Variants in DAPK2 observed in about 807,000 individuals in gnomAD.
DAPK2 encodes the protein death-associated protein kinase 2.
DAPK2 carries 35 observed loss-of-function variants against 44.1 expected under a neutral mutation model. The observed-to-expected ratio is 0.79, with a 90% CI of 0.61 to 1.05. DAPK2 has a LOEUF of 1.05. DAPK2 is among the 50% of genes least tolerant of loss of function. The pLI, the probability that DAPK2 is intolerant of heterozygous loss-of-function variation, is 0.00. For synonymous variants in DAPK2, 174 were observed against 182.6 expected (o/e 0.95, Z 0.38); for missense variants, 453 against 483.2 (o/e 0.94, Z 0.59).
Position 63,910,138 on chromosome 15 carries a change from C to T in DAPK2, c.1033-1538G>A, listed in dbSNP as rs79509919. On this transcript the variant is annotated intron_variant, in intron 10 of 10. Transcript: ENST00000261891. ...GCTTGTCATTATCAGGGATTCTCAG[C>T]GGGAGAGCGGTCCAGTGCCCTGCAT... Among the ~76,000 whole-genome samples the T allele has an allele frequency of 1.2e-3, 182 of 152,308 alleles. 1 individual carries two copies. The East Asian group carries it at 0.032, about 27-fold the overall frequency.
upstream of DAPK2, among the ~76,000 whole-genome samples, chr15:64,041,127 A>C (rs2080344106): frequency 6.6e-6 from 1 of 152,218 alleles, no homozygotes; most frequent in South Asian, 2.1e-4. Flanking sequence ...CAGGTGTTGT[A>C]CCACCCAACT....
chr15:64,030,762 G>T (rs775749212), intron 1 of DAPK2, among the ~76,000 whole-genome samples: 2 of 152,002 alleles, frequency 1.3e-5, no homozygotes, highest in Non-Finnish European at 2.9e-5. Flanking sequence ...GAGGCCAGGA[G>T]GTCAAGATCA....
At chr15:63,937,953 T>C (rs1550658) in intron 4 of DAPK2, among the ~76,000 whole-genome samples, 12 of 152,224 alleles carry the variant, frequency 7.9e-5, no homozygotes, top group Admixed American at 2.6e-4. Context: ...ATTCTGAGTA[T>C]GGCTCCTTAA....
At chr15:63,970,669 A>C (rs1233163128) in intron 3 of DAPK2, among the ~76,000 whole-genome samples, 1 of 152,306 alleles carries the variant, frequency 6.6e-6, no homozygotes, top group East Asian at 1.9e-4. Context: ...TGGATAGAAA[A>C]ATGAAGGGAT....
At chr15:64,024,355 G>A (rs1324162823) in intron 1 of DAPK2, among the ~76,000 whole-genome samples, 1 of 152,198 alleles carries the variant, frequency 6.6e-6, no homozygotes, top group African/African-American at 2.4e-5. Flanking sequence ...GAAGATGTGA[G>A]CATGCCCTGG....
chr15:64,002,285 G>C (rs2079103983), intron 1 of DAPK2, among the ~76,000 whole-genome samples: 1 of 152,200 alleles, frequency 6.6e-6, no homozygotes, highest in South Asian at 2.1e-4. Context: ...TTTATTAACA[G>C]AGTTCATCAG....
chr15:64,042,298 C>T (rs551047140), upstream of DAPK2, among the ~76,000 whole-genome samples: 26 of 152,236 alleles, frequency 1.7e-4, no homozygotes, highest in South Asian at 5.4e-3. This position sits in a 1 kb window ranked among gnomAD's most constrained non-coding sequence, Gnocchi z 4.7. Flanking sequence ...TGGCAAATCT[C>T]CCAAGACTGG....
chr15:63,958,439 C>T (rs2077789905), intron 3 of DAPK2, among the ~76,000 whole-genome samples: 2 of 152,148 alleles, frequency 1.3e-5, no homozygotes, highest in South Asian at 4.1e-4. Context: ...ATGTGTATGG[C>T]CTGAATGGTA....
chr15:63,939,269 A>C lies in DAPK2; in HGVS notation c.546T>G (p.Val182=). 6.2e-7 allele frequency: 1 copy of C among 1,614,098 alleles called. No homozygotes were observed. Reference sequence around the variant, plus strand: ...GCGTCCCAAAAATATTCTTAAATTCAACTCCATCTTCTATTTCGTGAGCCA... The same window carrying C: ...GCGTCCCAAAAATATTCTTAAATTCCACTCCATCTTCTATTTCGTGAGCCA... The change falls in exon 4 of 11, where the codon GTT becomes GTG. Residue 182 remains valine, a synonymous_variant. Coordinates refer to ENST00000261891, the Ensembl canonical transcript of DAPK2. The surrounding 1 kb of genome is among the most constrained non-coding windows in gnomAD (Gnocchi z 4.3).
At chr15:63,943,236 C>A (rs921434138) in intron 3 of DAPK2, among the ~76,000 whole-genome samples, 1 of 151,828 alleles carries the variant, frequency 6.6e-6, no homozygotes, top group Non-Finnish European at 1.5e-5. Flanking sequence ...CCAGCCAGGG[C>A]AACTTGGAGA....
exon 3 of DAPK2, chr15:63,971,557 A>T (rs200251366): frequency 1.2e-6 from 2 of 1,614,034 alleles, no homozygotes; most frequent in Non-Finnish European, 1.7e-6. Flanking sequence ...TCTCCTCCAG[A>T]CACTCTGTAA....
chr15:63,953,931 T>C (rs2077655807), intron 3 of DAPK2, among the ~76,000 whole-genome samples: 1 of 152,230 alleles, frequency 6.6e-6, no homozygotes, highest in Admixed American at 6.5e-5. Flanking sequence ...TTTAGAAATG[T>C]CTATTCAGAT....
At chr15:63,976,015 C>T (rs568937330) in intron 2 of DAPK2, among the ~76,000 whole-genome samples, 1 of 152,262 alleles carries the variant, frequency 6.6e-6, no homozygotes, top group South Asian at 2.1e-4. Flanking sequence ...TAAACATTTC[C>T]AGAAGCACAC....
At chr15:64,027,328 G>C (rs2079877526) in intron 1 of DAPK2, among the ~76,000 whole-genome samples, 1 of 152,056 alleles carries the variant, frequency 6.6e-6, no homozygotes, top group South Asian at 2.1e-4. Context: ...AGGTTGCAGT[G>C]AGCTGAGATC....
intron 10 of DAPK2, 70 bp downstream of exon 11, chr15:63,911,838 G>A (rs1419134195): frequency 6.7e-7 from 1 of 1,492,132 alleles, no homozygotes; most frequent in Non-Finnish European, 9.2e-7. Context: ...AGGGGAAAGG[G>A]AACTCACCCA....
intron 4 of DAPK2, chr15:63,935,552 C>T (rs1000107348): frequency 6.6e-6 from 1 of 152,160 alleles, no homozygotes; most frequent in Non-Finnish European, 1.5e-5. Flanking sequence ...TATTTGTCTT[C>T]CCTGACTGCT....
At chr15:63,970,891 C>T (rs2078193872) in intron 3 of DAPK2, among the ~76,000 whole-genome samples, 1 of 152,122 alleles carries the variant, frequency 6.6e-6, no homozygotes. Context: ...TCAGTGGCCC[C>T]TACAAGCAGT....
In DAPK2 at chr15:64,029,389, C is replaced by T. The variant is rs114576233; in HGVS notation, c.92+10781G>A. Reference sequence around the variant, plus strand: ...CCTCCTGGCAGCCCCATCCCTTCACCTTCTCCACATGCCCTCTTGCCCAAG... The same window carrying T: ...CCTCCTGGCAGCCCCATCCCTTCACTTTCTCCACATGCCCTCTTGCCCAAG... On this transcript the variant is annotated intron_variant, in intron 1 of 10. Transcript: ENST00000261891. Among the ~76,000 whole-genome samples, 119 of 152,196 alleles carry T rather than the reference C, an allele frequency of 7.8e-4. 1 individual carries two copies. Among genetic ancestry groups the T allele is most frequent in the African/African-American group, 2.7e-3 (114 of 41,498 alleles).
chr15:63,935,140 G>C (rs1567215885), intron 4 of DAPK2, among the ~76,000 whole-genome samples: 1 of 140,302 alleles, frequency 7.1e-6, no homozygotes, highest in Admixed American at 7.8e-5. Flanking sequence ...GTCTAGGCTA[G>C]AGTGCAATGG....
Sources: gnomAD v4.1 joint callset for allele counts (sites outside exome capture counted in the v4.1 genomes callset) on GRCh38, gnomAD v4.1.1 for gene constraint, Gnocchi (gnomAD v3.1) non-coding constraint, MANE v1.5 for transcripts, NCBI Gene and HGNC (gene_info 2026-07-23, HGNC 2026-07-21) for gene names.